PCNX2: variants seen among roughly 807,000 people sequenced by gnomAD.
PCNX2 encodes the protein pecanex 2, also known as pecanex-like protein 2.
Under a neutral mutation model 223.8 loss-of-function variants are expected in PCNX2, and 168 were observed. That is an observed-to-expected ratio of 0.75 (90% confidence interval 0.66 to 0.85). PCNX2 has a LOEUF of 0.85. Ranked by LOEUF, PCNX2 falls within the 40% of genes least tolerant of loss-of-function variation. PCNX2 has a pLI of 0.00. For synonymous variants in PCNX2, 1,006 were observed against 1,052.6 expected (o/e 0.96, Z 0.86); for missense variants, 2,507 against 2,675.5 (o/e 0.94, Z 1.39).
Position 233,252,334 on chromosome 1 carries a change from A to G in PCNX2, c.2128+20T>C, listed in dbSNP as rs376938589. ...CAGTTTTCCCTGCTTGTTCATTAGT[A>G]AAGAGCTCCAAAGACTCACCATGTT... On this transcript the variant is annotated intron_variant, in intron 7 of 33. Transcript: ENST00000258229. 3.0e-5 allele frequency: 48 copies of G among 1,588,622 alleles called. No homozygotes were observed. Among genetic ancestry groups the G allele is most frequent in the Non-Finnish European group, 3.8e-5 (44 of 1,163,104 alleles).
intron 1 of PCNX2, among the ~76,000 whole-genome samples, chr1:233,272,829 A>T (rs898136159): frequency 1.3e-5 from 2 of 152,226 alleles, no homozygotes; most frequent in Non-Finnish European, 2.9e-5. Flanking sequence ...AAAGGAATGA[A>T]ATAATTGCAT....
intron 28 of PCNX2, among the ~76,000 whole-genome samples, chr1:233,013,731 C>A (rs1449364327): frequency 2.0e-5 from 3 of 152,158 alleles, no homozygotes; most frequent in Admixed American, 6.5e-5. Context: ...TCTCTAAGCT[C>A]CCTAGGTTTG....
intron 26 of PCNX2, among the ~76,000 whole-genome samples, chr1:233,017,715 C>A (rs1026468861): frequency 6.6e-6 from 1 of 152,168 alleles, no homozygotes; most frequent in African/African-American, 2.4e-5. Context: ...GGGTGTAATG[C>A]ACAGAACTCA....
intron 22 of PCNX2, among the ~76,000 whole-genome samples, chr1:233,093,001 G>A (rs535710294): frequency 1.2e-3 from 190 of 152,160 alleles, no homozygotes; most frequent in African/African-American, 3.7e-3. Flanking sequence ...GGGTTTCACC[G>A]TGTTAGCCAG....
rs117464227 is a variant in PCNX2, at chr1:233,143,267, C to A, written c.3518-3412G>T. ...GCTCTTCTCACTTCTCATAGCTGTA[C>A]GTTGAAATCACTTCGGGGCAAAGCT... On this transcript the variant is annotated intron_variant, in intron 19 of 33. Transcript: ENST00000258229. Among the ~76,000 whole-genome samples, 14 of 152,290 alleles carry A rather than the reference C, an allele frequency of 9.2e-5. No homozygotes were observed. In the East Asian group the frequency reaches 2.7e-3, roughly 29 times the overall value.
chr1:233,248,758 G>A (rs1659277243), intron 8 of PCNX2, among the ~76,000 whole-genome samples: 1 of 152,086 alleles, frequency 6.6e-6, no homozygotes, highest in Non-Finnish European at 1.5e-5. Flanking sequence ...GAAAGGGCCT[G>A]GTATTCTGAG....
chr1:233,292,881 T>C (rs977153994), intron 1 of PCNX2, among the ~76,000 whole-genome samples: 3 of 152,206 alleles, frequency 2.0e-5, no homozygotes, highest in African/African-American at 7.2e-5. Flanking sequence ...TATTCTATAA[T>C]AGTTAAAGGC....
chr1:233,008,777 G>T (rs1276033720), intron 28 of PCNX2, among the ~76,000 whole-genome samples: 1 of 152,198 alleles, frequency 6.6e-6, no homozygotes, highest in Non-Finnish European at 1.5e-5. Context: ...TGCCATCCCA[G>T]GGTTGAAGCA....
chr1:233,090,708 G>T (rs1384066223), intron 22 of PCNX2, among the ~76,000 whole-genome samples: 1 of 152,180 alleles, frequency 6.6e-6, no homozygotes, highest in Non-Finnish European at 1.5e-5. Context: ...GATATCGTAT[G>T]TTGAACACCA....
chr1:233,200,203 G>GA lies in PCNX2; in HGVS notation c.2924dup (p.Cys976LeufsTer9). 1.3e-6 allele frequency: 2 copies of GA among 1,596,172 alleles called. No homozygotes were observed. The highest frequency in any genetic ancestry group is 1.7e-6 in the Non-Finnish European group (2 of 1,170,926). ...CAATTTGCTCCAAAAGATAAGTGCAGAAAGTGTTGATTTGCGGGAAGAGCC... is the reference window on the plus strand; with the variant it reads ...CAATTTGCTCCAAAAGATAAGTGCAGAAAAGTGTTGATTTGCGGGAAGAGCC... On this transcript the variant is annotated frameshift_variant, in exon 14 of 34. Coordinates refer to ENST00000258229, the MANE Select transcript of PCNX2 (RefSeq NM_014801.4). LOFTEE classifies it high-confidence loss of function.
chr1:233,322,169 C>A, the PCNX2 span, among the ~76,000 whole-genome samples: 2 of 152,142 alleles, frequency 1.3e-5, no homozygotes, highest in Non-Finnish European at 2.9e-5. Flanking sequence ...TCCTCTTTGT[C>A]TAATTCTTTT....
At chr1:233,206,369 A>T (rs553850479) in intron 13 of PCNX2, among the ~76,000 whole-genome samples, 4 of 151,936 alleles carry the variant, frequency 2.6e-5, no homozygotes, top group Admixed American at 1.3e-4. Flanking sequence ...CAAAAAGAAG[A>T]TGGCAGGAAA....
At chr1:233,161,858 C>A (rs1678500790) in intron 17 of PCNX2, among the ~76,000 whole-genome samples, 1 of 151,732 alleles carries the variant, frequency 6.6e-6, no homozygotes, top group African/African-American at 2.4e-5. Flanking sequence ...CAAACAGAAA[C>A]CTCTTATACG....
At chr1:232,996,581 A>G (rs1669882455) in intron 32 of PCNX2, among the ~76,000 whole-genome samples, 1 of 151,970 alleles carries the variant, frequency 6.6e-6, no homozygotes, top group Admixed American at 6.5e-5. Flanking sequence ...TATTTTGTCT[A>G]TTTACCTATC....
chr1:233,209,332 C>T (rs1422942802), intron 12 of PCNX2, among the ~76,000 whole-genome samples: 2 of 151,954 alleles, frequency 1.3e-5, no homozygotes, highest in Non-Finnish European at 2.9e-5. Flanking sequence ...TGTTATGAGG[C>T]AAAGTAGAAT....
chr1:233,155,865 G>A (rs368419100), intron 19 of PCNX2, among the ~76,000 whole-genome samples: 2 of 152,108 alleles, frequency 1.3e-5, no homozygotes, highest in South Asian at 2.1e-4. Context: ...CTAAAAATAT[G>A]AGTACTCCTT....
In PCNX2 at chr1:233,217,883, G is replaced by A. The variant is rs376244163; in HGVS notation, c.2691+16C>T. 32 of 1,613,810 alleles carry A rather than the reference G, an allele frequency of 2.0e-5. No homozygotes were observed. In the East Asian group the frequency reaches 5.3e-4, roughly 27 times the overall value. ...GACAGACAAGAAAAGCTACTTGCCT[G>A]TATTTGGAAACTTACGTGTATTGGT... On this transcript the variant is annotated intron_variant, in intron 12 of 33. Coordinates refer to ENST00000258229, the MANE Select transcript of PCNX2 (RefSeq NM_014801.4).
chr1:233,069,179 A>G (rs755964903), intron 23 of PCNX2, among the ~76,000 whole-genome samples: 1 of 152,192 alleles, frequency 6.6e-6, no homozygotes, highest in Non-Finnish European at 1.5e-5. Context: ...CTAAATATGC[A>G]TAAGTCAAAC....
chr1:233,316,508 G>T, the PCNX2 span, among the ~76,000 whole-genome samples: 1 of 152,204 alleles, frequency 6.6e-6, no homozygotes, highest in East Asian at 1.9e-4. Flanking sequence ...AGAGAAAAAG[G>T]CTAATTTACA....
Sources: gnomAD v4.1 joint callset for allele counts (sites outside exome capture counted in the v4.1 genomes callset) on GRCh38, gnomAD v4.1.1 for gene constraint, MANE v1.5 for transcripts, NCBI Gene and HGNC (gene_info 2026-07-23, HGNC 2026-07-21) for gene names.